The following PICALM variants were observed in gnomAD, a reference collection of about 807,000 sequenced individuals.
PICALM encodes phosphatidylinositol binding clathrin assembly protein.
In PICALM, 40 loss-of-function variants were observed where a neutral mutation model predicts 80.5. The ratio of observed to expected loss-of-function variants is 0.50; its 90% CI spans 0.39 to 0.65. The LOEUF (loss-of-function observed/expected upper bound fraction) is 0.65, where lower values mean the gene tolerates loss of function less well. PICALM is among the 30% of genes least tolerant of loss of function. The probability of loss-of-function intolerance (pLI) is 0.00; values close to 1 mark genes in which losing one functional copy is unlikely to be tolerated. For missense variants in PICALM, 676 were observed against 778.9 expected, an observed-to-expected ratio of 0.87 and a Z score of 1.57; for synonymous variants, 288 against 260.3, an observed-to-expected ratio of 1.11 and a Z score of -1.02.
In PICALM at chr11:86,069,074, AGGAAAATG is replaced by A. The variant is rs1331938542; in HGVS notation, c.-302_-295del. On this transcript the variant is annotated 5_prime_UTR_variant, in exon 1 of 20. Coordinates refer to ENST00000393346, the MANE Select transcript of PICALM (RefSeq NM_007166.4). ...CAGGGTAAGAGGAACAGGCAGCTGC[AGGAAAATG>A]GCGGCGCCAGGCTCCTCCTCGGAGC... is the stretch of plus-strand genomic sequence containing the variant. The A allele has an allele frequency of 2.9e-6, 1 of 341,122 alleles. No individual in the cohort carries two copies. Among genetic ancestry groups the A allele is most frequent in the Non-Finnish European group, 5.4e-6 (1 of 184,378 alleles). 21.1% of individuals were successfully genotyped at this position (341,122 alleles called of 1,614,324 possible).
intron 1 of PICALM, among the ~76,000 whole-genome samples, chr11:86,045,734 A>T (rs1593300242): frequency 6.6e-6 from 1 of 152,090 alleles, no homozygotes; most frequent in East Asian, 1.9e-4. Flanking sequence ...GAGTCTCCTA[A>T]ATTTCTTAAA....
At chr11:85,980,879 T>G (rs1201936065) in intron 17 of PICALM, among the ~76,000 whole-genome samples, 1 of 152,206 alleles carries the variant, frequency 6.6e-6, no homozygotes, top group Non-Finnish European at 1.5e-5. Flanking sequence ...ATAGGAGGAT[T>G]ATAAAAAATA....
intron 17 of PICALM, among the ~76,000 whole-genome samples, chr11:85,977,460 T>A (rs1237224020): frequency 6.6e-6 from 1 of 152,192 alleles, no homozygotes; most frequent in East Asian, 1.9e-4. Context: ...ATTTCCTGTG[T>A]GTGTTTCTCA....
chr11:86,003,505 TAA>T, intron 8 of PICALM, 54 bp from the exon 9 acceptor site: 2 of 1,107,474 alleles, frequency 1.8e-6, no homozygotes, highest in Non-Finnish European at 2.6e-6. Context: ...CTGGTCAAAT[TAA>T]ATCAAGTATC....
chr11:85,960,080 T>C (rs2093637607), intron 19 of PICALM, among the ~76,000 whole-genome samples: 1 of 152,162 alleles, frequency 6.6e-6, no homozygotes, highest in Non-Finnish European at 1.5e-5. Flanking sequence ...GGAACAGTAA[T>C]ATTATACTAA....
chr11:86,013,715 C>G (rs2095436453), intron 5 of PICALM, among the ~76,000 whole-genome samples: 1 of 152,146 alleles, frequency 6.6e-6, no homozygotes, highest in Non-Finnish European at 1.5e-5. Context: ...AGATTCTATA[C>G]AAACCAAAAT....
In PICALM at chr11:85,974,932, T is replaced by C. The variant is rs189209078; in HGVS notation, c.1840-120A>G. ...ACCTTTGCTTGACTCAAAGGGTAAC[T>C]TCCTCTGAATATAAGTAAGACTAAC... On this transcript the variant is annotated intron_variant, in intron 18 of 19. Coordinates refer to ENST00000393346, the MANE Select transcript of PICALM (RefSeq NM_007166.4). 1.2e-3 allele frequency: 817 copies of C among 702,726 alleles called. 4 individuals carry two copies. The African/African-American group carries it at 0.012, about 11-fold the overall frequency. The allele number at this position is 702,726 out of a possible 1,614,324, so 43.5% of individuals were successfully genotyped here. A position where few individuals can be genotyped will look rare whatever the true frequency, so the allele number is the denominator to read the frequency against.
chr11:85,965,815 G>GTTTT (rs914561533), intron 19 of PICALM, among the ~76,000 whole-genome samples: 5 of 108,156 alleles, frequency 4.6e-5, no homozygotes, highest in African/African-American at 6.9e-5. Context: ...TTGTTTTTTT[G>GTTTT]TTTTTTTTTT....
chr11:85,959,231 G>A (rs1429287020), intron 19 of PICALM, among the ~76,000 whole-genome samples, 171 bp from the exon 20 acceptor site: 1 of 152,148 alleles, frequency 6.6e-6, no homozygotes, highest in Non-Finnish European at 1.5e-5. Context: ...GTGCCAGAAA[G>A]CTCAATATTT....
At chr11:86,023,337 G>A (rs2095597900) in intron 3 of PICALM, 1 of 341,330 alleles carries the variant, frequency 2.9e-6, no homozygotes, top group Non-Finnish European at 4.1e-6. Flanking sequence ...AATATTTATT[G>A]AGTGCCTATT....
Position 86,068,860 on chromosome 11 carries a change from C to G in PICALM, c.-80G>C. On this transcript the variant is annotated 5_prime_UTR_variant, in exon 1 of 20. Transcript: ENST00000393346. ...CCCAAGAGCCGGAGGGTCCCCACCC[C>G]CCACCGCACCCCCTACCCCCACCGG... 2.0e-6 allele frequency: 3 copies of G among 1,471,450 alleles called. No homozygotes were observed. Among genetic ancestry groups the G allele is most frequent in the Admixed American group, 2.3e-5 (1 of 43,552 alleles). The allele number at this position is 1,471,450 out of a possible 1,614,324, so 91.1% of individuals were successfully genotyped here.
intron 9 of PICALM, among the ~76,000 whole-genome samples, chr11:86,002,841 T>A (rs1468109179): frequency 6.6e-6 from 1 of 152,098 alleles, no homozygotes; most frequent in Admixed American, 6.6e-5. Context: ...GGTGAAACCC[T>A]GTCTCTACTA....
At chr11:85,997,787 T>C (rs2095022063) in intron 11 of PICALM, among the ~76,000 whole-genome samples, 1 of 150,970 alleles carries the variant, frequency 6.6e-6, no homozygotes, top group Non-Finnish European at 1.5e-5. Context: ...TTTGTTGTTG[T>C]TTTGCTTTTT....
chr11:86,066,089 A>C (rs927163372), intron 1 of PICALM, among the ~76,000 whole-genome samples: 6 of 152,238 alleles, frequency 3.9e-5, no homozygotes, highest in Non-Finnish European at 7.3e-5. Context: ...ACAAAAAATT[A>C]CTTGAAATGA....
At chr11:85,997,797 T>G (rs976346017) in intron 11 of PICALM, among the ~76,000 whole-genome samples, 2 of 152,008 alleles carry the variant, frequency 1.3e-5, no homozygotes, top group African/African-American at 4.8e-5. Context: ...TTTTGCTTTT[T>G]TTGAGACAAG....
intron 8 of PICALM, among the ~76,000 whole-genome samples, chr11:86,005,536 T>G (rs1043275458): frequency 6.6e-6 from 1 of 151,994 alleles, no homozygotes; most frequent in Admixed American, 6.6e-5. Context: ...AGACCCTGTC[T>G]CCACAAAAAA....
At chr11:86,056,633 C>T (rs560197622) in intron 1 of PICALM, among the ~76,000 whole-genome samples, 1 of 152,206 alleles carries the variant, frequency 6.6e-6, no homozygotes, top group African/African-American at 2.4e-5. Context: ...CAAAAAGTTA[C>T]ACAGAATTAC....
intron 1 of PICALM, among the ~76,000 whole-genome samples, chr11:86,035,870 T>C (rs1013622395): frequency 1.4e-5 from 2 of 147,842 alleles, no homozygotes; most frequent in African/African-American, 5.0e-5. Context: ...ATTGCTTGAG[T>C]CTGGGAGGCG....
intron 1 of PICALM, among the ~76,000 whole-genome samples, chr11:86,031,998 TC>T (rs1486876427): frequency 1.3e-5 from 2 of 152,204 alleles, no homozygotes; most frequent in African/African-American, 4.8e-5. Flanking sequence ...TTAACATTTT[TC>T]TTTAAATAAA....
Sources: gnomAD v4.1 joint callset for allele counts (sites outside exome capture counted in the v4.1 genomes callset) on GRCh38, gnomAD v4.1.1 for gene constraint, MANE v1.5 for transcripts, NCBI Gene and HGNC (gene_info 2026-07-23, HGNC 2026-07-21) for gene names.